Variants in CERS6 observed in about 807,000 individuals in gnomAD.
The protein encoded by CERS6 is ceramide synthase 6.
In CERS6, 26 loss-of-function variants were observed where a neutral mutation model predicts 56.8. The ratio of observed to expected loss-of-function variants is 0.46; its 90% confidence interval spans 0.34 to 0.63. The LOEUF is 0.63. Among genes scored for constraint, CERS6 ranks in the 30% least tolerant of loss-of-function variants. The pLI, the probability that CERS6 is intolerant of heterozygous loss-of-function variation, is 0.01. For synonymous variants in CERS6, 164 were observed against 173.3 expected, an observed-to-expected ratio of 0.95 and a Z score of 0.42; for missense variants, 415 against 467.5, an observed-to-expected ratio of 0.89 and a Z score of 1.04.
At chr2:168,466,536 A>G (rs913266882) in intron 1 of CERS6, among the ~76,000 whole-genome samples, 1 of 152,252 alleles carries the variant, frequency 6.6e-6, no homozygotes, top group South Asian at 2.1e-4. Context: ...GCTGCATATT[A>G]TAAAAACAAT....
Position 168,774,237 on chromosome 2 carries a change from A to C in CERS6, c.*4575A>C, listed in dbSNP as rs944204330. 3.9e-5 allele frequency: 6 copies of C among 152,156 alleles called. No homozygotes were observed. Among genetic ancestry groups the C allele is most frequent in the Non-Finnish European group, 7.3e-5 (5 of 68,036 alleles). The allele number at this position is 152,156 out of a possible 1,614,324, so 9.4% of individuals were successfully genotyped here. A position where few individuals can be genotyped will look rare whatever the true frequency, so the allele number is the denominator to read the frequency against. On this transcript the variant is annotated 3_prime_UTR_variant, in exon 10 of 10. Transcript: ENST00000305747. Reference sequence around the variant, plus strand: ...TGGAGATTGCCCAGAAAGGGATGTGAGGGGACCGTTAAGATCTGTCTTGCT... The same window carrying C: ...TGGAGATTGCCCAGAAAGGGATGTGCGGGGACCGTTAAGATCTGTCTTGCT...
chr2:168,679,484 A>G (rs1432649456), intron 4 of CERS6, among the ~76,000 whole-genome samples: 2 of 152,224 alleles, frequency 1.3e-5, no homozygotes, highest in East Asian at 1.9e-4. Context: ...GACTGTATGT[A>G]TATCCAGATG....
intron 3 of CERS6, among the ~76,000 whole-genome samples, chr2:168,575,237 T>C (rs1013363663): frequency 2.0e-5 from 3 of 152,220 alleles, no homozygotes; most frequent in Non-Finnish European, 4.4e-5. Flanking sequence ...GTGCCTTATG[T>C]ATTAGTCCGT....
At chr2:168,672,843 A>G (rs376788630) in intron 4 of CERS6, among the ~76,000 whole-genome samples, 46 of 152,340 alleles carry the variant, frequency 3.0e-4, no homozygotes, top group African/African-American at 1.0e-3. Flanking sequence ...CAATTTTGGA[A>G]GATGAGAAGC....
chr2:168,552,853 A>G (rs1695601127), intron 2 of CERS6, among the ~76,000 whole-genome samples: 1 of 152,194 alleles, frequency 6.6e-6, no homozygotes, highest in African/African-American at 2.4e-5. Context: ...CACAATATCA[A>G]AGACAATAAA....
Position 168,770,580 on chromosome 2 carries a change from CTTATG to C in CERS6, c.*923_*927del, listed in dbSNP as rs997282618. On this transcript the variant is annotated 3_prime_UTR_variant, in exon 10 of 10. Transcript: ENST00000305747. ...GCCACTACCCTATAATTAGTGCAGTCTTATGTTATAAAAGAAAGAAGTTAACTATA... is the reference window on the plus strand; with the variant it reads ...GCCACTACCCTATAATTAGTGCAGTCTTATAAAAGAAAGAAGTTAACTATA... 47 of 152,620 alleles carry C rather than the reference CTTATG, an allele frequency of 3.1e-4. No homozygotes were observed. The highest frequency in any genetic ancestry group is 1.0e-3 in the African/African-American group (43 of 41,494). 9.5% of individuals were successfully genotyped at this position (152,620 alleles called of 1,614,324 possible).
At chr2:168,498,410 C>G (rs1694513351) in intron 1 of CERS6, among the ~76,000 whole-genome samples, 1 of 152,092 alleles carries the variant, frequency 6.6e-6, no homozygotes, top group Admixed American at 6.6e-5. Context: ...AGGCAGGAAG[C>G]AGAGCCTCTG....
intron 3 of CERS6, among the ~76,000 whole-genome samples, chr2:168,618,059 G>C (rs1684362040): frequency 6.6e-6 from 1 of 152,146 alleles, no homozygotes; most frequent in African/African-American, 2.4e-5. Context: ...TCATACCAGG[G>C]ATACAGGAGT....
At chr2:168,597,205 A>G (rs1447809417) in intron 3 of CERS6, among the ~76,000 whole-genome samples, 3 of 152,212 alleles carry the variant, frequency 2.0e-5, no homozygotes, top group Non-Finnish European at 2.9e-5. Context: ...GGGAACTTAC[A>G]TACAGGGACA....
chr2:168,680,393 G>C lies in CERS6; in HGVS notation c.466-10641G>C, dbSNP rs144584445. 7.4e-3 allele frequency among the ~76,000 whole-genome samples: 1,131 copies of C among 152,340 alleles called. 9 individuals carry two copies. Among genetic ancestry groups the C allele is most frequent in the Non-Finnish European group, 0.011 (748 of 68,030 alleles). The stretch of plus-strand genomic sequence containing the variant: ...AATAATGCAAGGAAAGGGATGATAA[G>C]GAAAAATGATGATGTTGGAGAAATG... On this transcript the variant is annotated intron_variant, in intron 4 of 9. Coordinates refer to ENST00000305747, the MANE Select transcript of CERS6 (RefSeq NM_203463.3).
At position 168,769,809 on chromosome 2, in the gene CERS6, G is replaced by T; in HGVS notation, c.*147G>T. On this transcript the variant is annotated 3_prime_UTR_variant, in exon 10 of 10. Transcript: ENST00000305747. ...AGCATTTTGAATAGTGCACTGCCAT[G>T]TGTCCTGTCTGTGAATGAAGAAGAA... 1 of 719,498 alleles carries T rather than the reference G, an allele frequency of 1.4e-6. No homozygotes were observed. Among genetic ancestry groups the T allele is most frequent in the Non-Finnish European group, 2.3e-6 (1 of 435,614 alleles). 44.6% of individuals were successfully genotyped at this position (719,498 alleles called of 1,614,324 possible).
intron 1 of CERS6, among the ~76,000 whole-genome samples, chr2:168,477,371 A>G (rs775774078): frequency 5.9e-5 from 9 of 152,286 alleles, no homozygotes; most frequent in African/African-American, 1.9e-4. Flanking sequence ...ATGTGTCTCT[A>G]CATTTTATTT....
chr2:168,464,229 G>C lies in CERS6; in HGVS notation c.170+7611G>C, dbSNP rs574133532. ...GTGTGTGTGACAAGGGTCTCACTCT[G>C]TTCCCCAGGCTGGAGTGCAGTGGTG... On this transcript the variant is annotated intron_variant, in intron 1 of 9. Coordinates refer to ENST00000305747, the MANE Select transcript of CERS6 (RefSeq NM_203463.3). 1.4e-4 allele frequency among the ~76,000 whole-genome samples: 21 copies of C among 147,040 alleles called. No individual in the cohort carries two copies. In the South Asian group the frequency reaches 3.7e-3, roughly 26 times the overall value.
At chr2:168,512,491 C>G (rs1243552667) in intron 1 of CERS6, among the ~76,000 whole-genome samples, 1 of 151,942 alleles carries the variant, frequency 6.6e-6, no homozygotes, top group Non-Finnish European at 1.5e-5. Flanking sequence ...TTTTCCAAAC[C>G]TATTGGTTTC....
intron 1 of CERS6, among the ~76,000 whole-genome samples, chr2:168,512,185 A>T (rs1335799737): frequency 6.6e-6 from 1 of 152,212 alleles, no homozygotes; most frequent in Non-Finnish European, 1.5e-5. Flanking sequence ...GGAGGAGAGG[A>T]AAATGGTTAG....
At chr2:168,460,440 G>A (rs1275214134) in intron 1 of CERS6, among the ~76,000 whole-genome samples, 7 of 151,996 alleles carry the variant, frequency 4.6e-5, no homozygotes, top group African/African-American at 9.7e-5. Context: ...CAAGTGACCC[G>A]CCCACCTTGG....
intron 1 of CERS6, among the ~76,000 whole-genome samples, chr2:168,468,537 T>C (rs535583480): frequency 2.6e-4 from 39 of 152,310 alleles, no homozygotes; most frequent in African/African-American, 5.8e-4. Context: ...TGAGATAATA[T>C]TTGCATTGTG....
At position 168,690,316 on chromosome 2, in the gene CERS6, G is replaced by A. The variant is rs549099075; in HGVS notation, c.466-718G>A. On this transcript the variant is annotated intron_variant, in intron 4 of 9. Transcript: ENST00000305747. ...TTTTGAAATTATTTTGAAACTATGAGAAAGTTTGTGCTGGTCTTATTGGAT... is the reference window on the plus strand; with the variant it reads ...TTTTGAAATTATTTTGAAACTATGAAAAAGTTTGTGCTGGTCTTATTGGAT... Among the ~76,000 whole-genome samples the A allele has an allele frequency of 3.9e-5, 6 of 152,274 alleles. No individual in the cohort carries two copies. In the South Asian group the frequency reaches 1.0e-3, roughly 26 times the overall value.
At chr2:168,759,144 A>C (rs1684496086) in intron 8 of CERS6, among the ~76,000 whole-genome samples, 1 of 152,186 alleles carries the variant, frequency 6.6e-6, no homozygotes, top group Non-Finnish European at 1.5e-5. Flanking sequence ...TGGGGTGGTC[A>C]CAGGTGTATC....
Sources: allele counts gnomAD v4.1 joint callset (sites outside exome capture counted in the v4.1 genomes callset), GRCh38; gene constraint gnomAD v4.1.1; transcripts MANE v1.5; gene names NCBI Gene and HGNC (gene_info 2026-07-23, HGNC 2026-07-21).